Variants in JARID2 observed in about 807,000 individuals in gnomAD.
JARID2 encodes jumonji and AT-rich interaction domain containing 2.
In JARID2, 21 loss-of-function variants were observed where a neutral mutation model predicts 125.6. The observed-to-expected ratio is 0.17, with a 90% CI of 0.12 to 0.24. The LOEUF (loss-of-function observed/expected upper bound fraction) is 0.24, where lower values mean the gene tolerates loss of function less well. JARID2 is among the 10% of genes least tolerant of loss of function. The pLI is 1.00. For missense variants in JARID2, 1,303 were observed against 1,639.6 expected, an observed-to-expected ratio of 0.79 and a Z score of 3.55; for synonymous variants, 736 against 661.6, an observed-to-expected ratio of 1.11 and a Z score of -1.73.
intron 3 of JARID2, among the ~76,000 whole-genome samples, chr6:15,432,735 TCCTTC>T (rs1767022452): frequency 1.3e-5 from 2 of 152,216 alleles, no homozygotes; most frequent in South Asian, 4.1e-4. Context: ...GTCCTTAGGC[TCCTTC>T]CCTCCAGACC....
intron 1 of JARID2, among the ~76,000 whole-genome samples, chr6:15,300,603 T>C (rs993664543): frequency 2.0e-5 from 3 of 151,856 alleles, no homozygotes; most frequent in Non-Finnish European, 4.4e-5. Context: ...TTGGAGTCTA[T>C]CTGTTTCGAG....
chr6:15,389,204 A>T (rs1764908817), intron 2 of JARID2, among the ~76,000 whole-genome samples: 1 of 152,190 alleles, frequency 6.6e-6, no homozygotes, highest in Admixed American at 6.5e-5. Flanking sequence ...TCTGTTGCCC[A>T]GGCTGTAGTG....
chr6:15,465,892 C>T (rs1005105664), intron 4 of JARID2, among the ~76,000 whole-genome samples: 18 of 152,178 alleles, frequency 1.2e-4, no homozygotes, highest in African/African-American at 4.1e-4. Context: ...CAACCTTCGC[C>T]TCCCGGGTTC....
At chr6:15,387,272 A>G (rs1764822581) in intron 2 of JARID2, among the ~76,000 whole-genome samples, 1 of 152,210 alleles carries the variant, frequency 6.6e-6, no homozygotes, top group African/African-American at 2.4e-5. Flanking sequence ...ATTGCTAATC[A>G]TATTCTTGCG....
At chr6:15,376,539 A>T (rs1764361968) in intron 2 of JARID2, among the ~76,000 whole-genome samples, 1 of 152,084 alleles carries the variant, frequency 6.6e-6, no homozygotes, top group South Asian at 2.1e-4. Context: ...AACAAACTAC[A>T]ACCCTGTCTT....
intron 2 of JARID2, among the ~76,000 whole-genome samples, chr6:15,384,371 ATTTTTTT>A (rs370485500): frequency 3.0e-5 from 4 of 135,388 alleles, no homozygotes; most frequent in Non-Finnish European, 6.4e-5. Flanking sequence ...GCCCACTTTG[ATTTTTTT>A]TTTTTTTTTT....
chr6:15,504,130 C>T (rs1770879410), intron 8 of JARID2, among the ~76,000 whole-genome samples: 1 of 145,810 alleles, frequency 6.9e-6, no homozygotes, highest in South Asian at 2.1e-4. Context: ...CTCCGCTGGC[C>T]CGCAGCAGCC....
intron 1 of JARID2, among the ~76,000 whole-genome samples, chr6:15,334,256 A>G (rs1428990722): frequency 6.6e-6 from 1 of 152,224 alleles, no homozygotes; most frequent in Admixed American, 6.5e-5. Flanking sequence ...TGTGCTGCAT[A>G]ATGGAATAAA....
chr6:15,280,953 C>CT (rs1356018550), intron 1 of JARID2, among the ~76,000 whole-genome samples: 1 of 152,038 alleles, frequency 6.6e-6, no homozygotes, highest in African/African-American at 2.4e-5. Context: ...TGATTTTTGC[C>CT]TTTTTGTGAT....
intron 5 of JARID2, among the ~76,000 whole-genome samples, chr6:15,476,436 A>G (rs920885786): frequency 6.6e-6 from 1 of 152,108 alleles, no homozygotes; most frequent in Non-Finnish European, 1.5e-5. Flanking sequence ...CTGAGACTGT[A>G]CCCTTCTTCC....
At chr6:15,466,293 A>G (rs182757485) in intron 4 of JARID2, among the ~76,000 whole-genome samples, 10 of 152,160 alleles carry the variant, frequency 6.6e-5, no homozygotes, top group Non-Finnish European at 8.8e-5. Flanking sequence ...AGAAGTTTCT[A>G]TTAGAAAGAT....
intron 1 of JARID2, among the ~76,000 whole-genome samples, chr6:15,350,688 G>C (rs995674780): frequency 1.3e-5 from 2 of 149,142 alleles, no homozygotes; most frequent in Non-Finnish European, 3.0e-5. Flanking sequence ...ATTTAAACAA[G>C]ATTCACATGG....
chr6:15,346,739 A>ATT (rs11321575), intron 1 of JARID2, among the ~76,000 whole-genome samples: 16 of 137,402 alleles, frequency 1.2e-4, no homozygotes, highest in South Asian at 9.4e-4. Context: ...AGTAATTGTA[A>ATT]TTTTTTTTTT....
In JARID2 at chr6:15,253,833, A is replaced by G. The variant is rs545573799; in HGVS notation, c.45+7249A>G. Among the ~76,000 whole-genome samples, 4 of 152,288 alleles carry G rather than the reference A, an allele frequency of 2.6e-5. No individual in the cohort carries two copies. In the South Asian group the frequency reaches 6.2e-4, roughly 24 times the overall value. On this transcript the variant is annotated intron_variant, in intron 1 of 17. Coordinates refer to ENST00000341776, the MANE Select transcript of JARID2 (RefSeq NM_004973.4). ...AGTCAATTCTGAAATAACCGCCTAC[A>G]TTGTGAGTTTGTCTGAGAAAAGGGG...
At chr6:15,340,500 C>G (rs1338413164) in intron 1 of JARID2, among the ~76,000 whole-genome samples, 1 of 152,156 alleles carries the variant, frequency 6.6e-6, no homozygotes, top group Admixed American at 6.5e-5. Flanking sequence ...ACTAGATATG[C>G]CAACCTTCAG....
chr6:15,422,853 T>A (rs927708277), intron 3 of JARID2, among the ~76,000 whole-genome samples: 2 of 152,208 alleles, frequency 1.3e-5, no homozygotes, highest in Admixed American at 6.5e-5. Context: ...AAAACAATCT[T>A]TTGTATTGCT....
At chr6:15,279,263 G>A (rs918605350) in intron 1 of JARID2, among the ~76,000 whole-genome samples, 4 of 152,138 alleles carry the variant, frequency 2.6e-5, no homozygotes, top group Admixed American at 2.0e-4. Context: ...TTGGTCGAAG[G>A]TTGTGTGTAT....
chr6:15,449,739 A>G (rs1481416067), intron 3 of JARID2, among the ~76,000 whole-genome samples: 3 of 151,972 alleles, frequency 2.0e-5, no homozygotes, highest in Non-Finnish European at 4.4e-5. Flanking sequence ...TTTAAGGACT[A>G]TAGATTACCC....
chr6:15,265,869 C>T (rs1373718011), intron 1 of JARID2, among the ~76,000 whole-genome samples: 2 of 152,174 alleles, frequency 1.3e-5, no homozygotes. Context: ...CCCTTCTCCA[C>T]TCAGGGGTCT....
Sources: gnomAD v4.1 joint callset for allele counts (sites outside exome capture counted in the v4.1 genomes callset) on GRCh38, gnomAD v4.1.1 for gene constraint, MANE v1.5 for transcripts, NCBI Gene and HGNC (gene_info 2026-07-23, HGNC 2026-07-21) for gene names.